Variants in HIVEP1 observed in about 807,000 individuals in gnomAD.
HIVEP1 encodes zinc finger protein 40.
A neutral mutation model predicts 180.0 loss-of-function variants in HIVEP1; 36 were observed. That is an observed-to-expected ratio of 0.20 (90% CI 0.15 to 0.26). The LOEUF (loss-of-function observed/expected upper bound fraction) is 0.26. HIVEP1 is among the 10% of genes least tolerant of loss of function. HIVEP1 has a pLI of 1.00. For synonymous variants in HIVEP1, 1,239 were observed against 1,239.0 expected, an observed-to-expected ratio of 1.00 and a Z score of 0.00; for missense variants, 3,143 against 3,268.7, an observed-to-expected ratio of 0.96 and a Z score of 0.94.
intron 7 of HIVEP1, among the ~76,000 whole-genome samples, chr6:12,138,305 TGATG>T (rs1296791888): frequency 1.3e-5 from 2 of 152,236 alleles, no homozygotes; most frequent in Non-Finnish European, 2.9e-5. Flanking sequence ...TTGGCCAATT[TGATG>T]GATTTGTTTG....
At chr6:12,056,656 T>C (rs935806759) in intron 2 of HIVEP1, among the ~76,000 whole-genome samples, 1 of 152,178 alleles carries the variant, frequency 6.6e-6, no homozygotes, top group Non-Finnish European at 1.5e-5. Context: ...TTTTATTACA[T>C]TGTCCAGGAC....
chr6:12,207,066 G>A, the HIVEP1 span, among the ~76,000 whole-genome samples: 1 of 152,122 alleles, frequency 6.6e-6, no homozygotes, highest in Non-Finnish European at 1.5e-5. Flanking sequence ...TCACATCAAA[G>A]TTTCAGAAGC....
chr6:12,108,954 T>C (rs1774690316), intron 3 of HIVEP1, among the ~76,000 whole-genome samples: 1 of 152,152 alleles, frequency 6.6e-6, no homozygotes, highest in African/African-American at 2.4e-5. Flanking sequence ...TCACCTCTCA[T>C]TGCCATTTCT....
chr6:12,095,703 G>A (rs1773745440), intron 3 of HIVEP1, among the ~76,000 whole-genome samples: 1 of 151,842 alleles, frequency 6.6e-6, no homozygotes, highest in African/African-American at 2.4e-5. Flanking sequence ...CATTTTATAA[G>A]TAAATTAATC....
intron 2 of HIVEP1, among the ~76,000 whole-genome samples, chr6:12,085,649 A>G (rs1773071282): frequency 6.6e-6 from 1 of 152,128 alleles, no homozygotes. Flanking sequence ...CTAACAACTT[A>G]GTGGGCTGCT....
the HIVEP1 span, among the ~76,000 whole-genome samples, chr6:12,200,684 T>A: frequency 6.6e-6 from 1 of 152,250 alleles, no homozygotes; most frequent in Non-Finnish European, 1.5e-5. Flanking sequence ...AGAGATATGC[T>A]TCTTAGACTT....
At chr6:12,027,050 C>CT (rs752905740) in intron 2 of HIVEP1, among the ~76,000 whole-genome samples, 23 of 152,192 alleles carry the variant, frequency 1.5e-4, no homozygotes, top group Non-Finnish European at 2.5e-4. Context: ...TATTTACATA[C>CT]TGACCATGGC....
At chr6:12,108,489 TG>T (rs1456595130) in intron 3 of HIVEP1, among the ~76,000 whole-genome samples, 1 of 151,808 alleles carries the variant, frequency 6.6e-6, no homozygotes, top group Non-Finnish European at 1.5e-5. Context: ...ACGGAGGGGG[TG>T]GGAGGCTCAG....
chr6:12,072,901 T>G, intron 2 of HIVEP1, among the ~76,000 whole-genome samples: 1 of 152,242 alleles, frequency 6.6e-6, no homozygotes, highest in East Asian at 1.9e-4. Flanking sequence ...TTATAGTTAT[T>G]TTACATCCCT....
chr6:12,164,617 TC>T lies in HIVEP1; in HGVS notation c.*158del. 1 of 636,484 alleles carries T rather than the reference TC, an allele frequency of 1.6e-6. No individual in the cohort carries two copies. Among genetic ancestry groups the T allele is most frequent in the Non-Finnish European group, 2.6e-6 (1 of 379,492 alleles). The allele number at this position is 636,484 out of a possible 1,614,324, so 39.4% of individuals were successfully genotyped here. A position where few individuals can be genotyped will look rare whatever the true frequency, so the allele number is the denominator to read the frequency against. On this transcript the variant is annotated 3_prime_UTR_variant, in exon 9 of 9. Transcript: ENST00000379388. ...CCAATAATTGTTGTTTTGTGTCAGC[TC>T]CAGCCATTTTTGTACATGTTGTATA...
intron 2 of HIVEP1, among the ~76,000 whole-genome samples, chr6:12,055,574 C>G (rs765695444): frequency 2.6e-5 from 4 of 152,170 alleles, no homozygotes; most frequent in Non-Finnish European, 5.9e-5. Context: ...CCGGAGGATA[C>G]AATATGGACA....
Position 12,163,944 on chromosome 6 carries a change from TGAACATA to T in HIVEP1, c.7642_7648del (p.Asn2548HisfsTer5), listed in dbSNP as rs1760579992. On this transcript the variant is annotated frameshift_variant, in exon 9 of 9. Coordinates refer to ENST00000379388, the MANE Select transcript of HIVEP1 (RefSeq NM_002114.4). LOFTEE classifies it low-confidence loss of function (END_TRUNC). ...GCACACATTCCAGGTCTCCAGATCTTGAACATAGCATTGCCCACCTTAATCCCCTCAG... is the reference window on the plus strand; with the variant it reads ...GCACACATTCCAGGTCTCCAGATCTTGCATTGCCCACCTTAATCCCCTCAG... The T allele has an allele frequency of 6.2e-7, 1 of 1,614,132 alleles. No homozygotes were observed. The highest frequency in any genetic ancestry group is 1.3e-5 in the African/African-American group (1 of 75,034).
At chr6:12,205,245 G>A in the HIVEP1 span, among the ~76,000 whole-genome samples, 2 of 152,218 alleles carry the variant, frequency 1.3e-5, no homozygotes, top group African/African-American at 2.4e-5. Flanking sequence ...GCCAAGGCGG[G>A]TGGATCTTGA....
chr6:12,178,803 G>A, the HIVEP1 span, among the ~76,000 whole-genome samples: 1 of 152,212 alleles, frequency 6.6e-6, no homozygotes, highest in African/African-American at 2.4e-5. Flanking sequence ...AATTCATTGT[G>A]TGGTGTTTTT....
the HIVEP1 span, among the ~76,000 whole-genome samples, chr6:12,198,487 A>G: frequency 7.3e-5 from 11 of 151,542 alleles, no homozygotes; most frequent in Non-Finnish European, 1.2e-4. Context: ...CATTCATTCA[A>G]TAAGTACTGA....
chr6:12,091,088 A>G (rs972319800), intron 3 of HIVEP1, among the ~76,000 whole-genome samples: 8 of 152,120 alleles, frequency 5.3e-5, no homozygotes, highest in Admixed American at 3.3e-4. Context: ...CCTTTCAAAT[A>G]TAAGTAAGAA....
At chr6:12,208,064 T>G in the HIVEP1 span, among the ~76,000 whole-genome samples, 1 of 152,286 alleles carries the variant, frequency 6.6e-6, no homozygotes, top group African/African-American at 2.4e-5. Flanking sequence ...GACAGTTTAC[T>G]TCTTAAAAAG....
chr6:12,114,134 A>G (rs901764091), intron 3 of HIVEP1, among the ~76,000 whole-genome samples: 1 of 152,140 alleles, frequency 6.6e-6, no homozygotes, highest in South Asian at 2.1e-4. Flanking sequence ...CTTTACAGCC[A>G]TATCCCCAGG....
the HIVEP1 span, among the ~76,000 whole-genome samples, chr6:12,170,778 G>A: frequency 2.0e-5 from 3 of 152,152 alleles, no homozygotes; most frequent in African/African-American, 7.2e-5. Context: ...CACGGGCTGT[G>A]GACTCCAGAA....
Sources: gnomAD v4.1 joint callset for allele counts (sites outside exome capture counted in the v4.1 genomes callset) on GRCh38, gnomAD v4.1.1 for gene constraint, MANE v1.5 for transcripts, NCBI Gene and HGNC (gene_info 2026-07-23, HGNC 2026-07-21) for gene names.